PCDH11X: variants seen among roughly 807,000 people sequenced by gnomAD.
PCDH11X encodes the protein protocadherin-11 X-linked.
A neutral mutation model predicts 53.3 loss-of-function variants in PCDH11X; 18 were observed. The ratio of observed to expected loss-of-function variants is 0.34; its 90% CI spans 0.23 to 0.50. The LOEUF is 0.50. Among genes scored for constraint, PCDH11X ranks in the 20% least tolerant of loss-of-function variants. The pLI is 0.98. For missense variants in PCDH11X, 570 were observed against 1,032.4 expected (o/e 0.55, Z 6.14); for synonymous variants, 279 against 393.3 (o/e 0.71, Z 3.44).
intron 10 of PCDH11X, among the ~76,000 whole-genome samples, chrX:92,519,316 C>G (rs2750921): frequency 0.29 from 30,146 of 102,805 alleles, 4,808 homozygotes; most frequent in Non-Finnish European, 0.38. Context: ...TTCTATTATA[C>G]TAGCAAATAG....
intron 5 of PCDH11X, among the ~76,000 whole-genome samples, chrX:91,851,562 G>A (rs1478632925): frequency 1.8e-5 from 2 of 111,360 alleles, no homozygotes; most frequent in African/African-American, 6.5e-5. Flanking sequence ...AATCACATCA[G>A]GGTAAATGGG....
rs2147869920 is a variant in PCDH11X, at chrX:91,949,851, A to C, written c.3033+70578A>C. Among the ~76,000 whole-genome samples the C allele has an allele frequency of 1.9e-5, 2 of 107,883 alleles. 1 individual carries two copies. Among genetic ancestry groups the C allele is most frequent in the African/African-American group, 6.7e-5 (2 of 29,775 alleles). 93.7% of individuals were successfully genotyped at this position (107,883 alleles called of 115,157 possible). On this transcript the variant is annotated intron_variant, in intron 6 of 10. Transcript: ENST00000682573. Reference sequence around the variant, plus strand: ...TAAAAAAGAACTATCACAGTTGCTTAAAAAGCTGGCTGGGATTTTCCTAAG... The same window carrying C: ...TAAAAAAGAACTATCACAGTTGCTTCAAAAGCTGGCTGGGATTTTCCTAAG...
intron 9 of PCDH11X, among the ~76,000 whole-genome samples, chrX:92,441,832 A>C (rs1022512847): frequency 9.1e-6 from 1 of 110,459 alleles, no homozygotes; most frequent in African/African-American, 3.3e-5. Context: ...AGAATGGTAG[A>C]TCCACTGACA....
intron 10 of PCDH11X, among the ~76,000 whole-genome samples, chrX:92,593,206 C>A (rs1925215085): frequency 9.0e-6 from 1 of 110,868 alleles, no homozygotes; most frequent in African/African-American, 3.3e-5. Flanking sequence ...GCTTCTATGA[C>A]TTTTAATAAT....
At chrX:91,967,216 T>C (rs937902251) in intron 6 of PCDH11X, among the ~76,000 whole-genome samples, 6 of 110,116 alleles carry the variant, frequency 5.4e-5, no homozygotes, top group Admixed American at 2.9e-4. Context: ...GTGTAGTTGT[T>C]GGGATGGTGT....
At chrX:92,088,049 T>A (rs1186976141) in intron 6 of PCDH11X, among the ~76,000 whole-genome samples, 1 of 106,529 alleles carries the variant, frequency 9.4e-6, no homozygotes, top group Admixed American at 1.0e-4. Context: ...AAGTCCCAAT[T>A]ATTTTGAGTG....
intron 6 of PCDH11X, among the ~76,000 whole-genome samples, chrX:91,957,389 G>T (rs1443117990): frequency 9.0e-6 from 1 of 111,000 alleles, no homozygotes; most frequent in Non-Finnish European, 1.9e-5. Flanking sequence ...TCATATCTGT[G>T]GGCTTACCTA....
chrX:92,512,769 A>G (rs933118205), intron 10 of PCDH11X, among the ~76,000 whole-genome samples: 1 of 111,857 alleles, frequency 8.9e-6, no homozygotes, highest in Admixed American at 9.5e-5. Flanking sequence ...AATACAAAGT[A>G]GAAGGCAACA....
intron 6 of PCDH11X, among the ~76,000 whole-genome samples, chrX:91,936,020 G>A (rs2147847848): frequency 1.9e-5 from 2 of 105,451 alleles, no homozygotes; most frequent in Middle Eastern, 4.8e-3. Flanking sequence ...ATGTATTGCT[G>A]TTAATGTTGG....
At chrX:92,522,448 T>A (rs2074384460) in intron 10 of PCDH11X, among the ~76,000 whole-genome samples, 2 of 111,135 alleles carry the variant, frequency 1.8e-5, no homozygotes, top group African/African-American at 6.5e-5. Context: ...CCAAGGCCAC[T>A]AATCACCATA....
intron 6 of PCDH11X, among the ~76,000 whole-genome samples, chrX:92,129,942 C>T (rs1448307025): frequency 1.8e-5 from 2 of 111,640 alleles, no homozygotes; most frequent in African/African-American, 3.3e-5. Context: ...TTGTACTTTT[C>T]GTGAGTAAAT....
chrX:92,278,822 T>C (rs1313442180), intron 8 of PCDH11X, among the ~76,000 whole-genome samples: 1 of 100,226 alleles, frequency 1.0e-5, no homozygotes, highest in Non-Finnish European at 2.0e-5. Flanking sequence ...TTTTTTTTTT[T>C]TTTTTTGAGA....
intron 7 of PCDH11X, among the ~76,000 whole-genome samples, chrX:92,206,439 TACTTTGATAATGCC>T (rs2066477237): frequency 8.9e-6 from 1 of 112,234 alleles, no homozygotes; most frequent in African/African-American, 3.2e-5. Flanking sequence ...AATCTTTAAA[TACTTTGATAATGCC>T]ACATTCAACA....
intron 8 of PCDH11X, among the ~76,000 whole-genome samples, chrX:92,305,536 A>G (rs1419975281): frequency 9.1e-6 from 1 of 110,243 alleles, no homozygotes; most frequent in Non-Finnish European, 1.9e-5. Flanking sequence ...TTAGGACCCC[A>G]CCTTTATGAT....
At position 92,096,502 on chromosome X, in the gene PCDH11X, C is replaced by T. The variant is rs753888205; in HGVS notation, c.3034-104873C>T. ...TGTACCTGCTATATATGAATATATA[C>T]ACATATCATATTGTATTTGTCCATT... On this transcript the variant is annotated intron_variant, in intron 6 of 10. Coordinates refer to ENST00000682573, the MANE Select transcript of PCDH11X (RefSeq NM_032968.5). 3.3e-3 allele frequency among the ~76,000 whole-genome samples: 357 copies of T among 107,294 alleles called. 1 individual carries two copies. Among genetic ancestry groups the T allele is most frequent in the South Asian group, 5.4e-3 (13 of 2,423 alleles). 93.2% of individuals were successfully genotyped at this position (107,294 alleles called of 115,157 possible). A position where few individuals can be genotyped will look rare whatever the true frequency, so the allele number is the denominator to read the frequency against.
At chrX:92,602,382 A>G (rs1410075497) in intron 10 of PCDH11X, among the ~76,000 whole-genome samples, 1 of 112,684 alleles carries the variant, frequency 8.9e-6, no homozygotes, top group Non-Finnish European at 1.9e-5. Context: ...AGTGCAGAGA[A>G]AAAGCCCGCT....
chrX:92,326,637 TATAGAG>T (rs1421397604), intron 8 of PCDH11X, among the ~76,000 whole-genome samples: 1,162 of 50,050 alleles, frequency 0.023, 185 homozygotes, highest in Admixed American at 0.033. Context: ...TATATATATA[TATAGAG>T]AGAGAGAGAG....
At chrX:91,919,174 T>C (rs1388427612) in intron 6 of PCDH11X, among the ~76,000 whole-genome samples, 2 of 111,451 alleles carry the variant, frequency 1.8e-5, no homozygotes, top group Non-Finnish European at 3.8e-5. Context: ...GAGCTGTTTG[T>C]TTCTATAAGA....
At chrX:92,546,042 C>T (rs2750995) in intron 10 of PCDH11X, among the ~76,000 whole-genome samples, 8,495 of 93,561 alleles carry the variant, frequency 0.091, 947 homozygotes, top group Non-Finnish European at 0.16. Flanking sequence ...TTCGAATATT[C>T]GATTTAATGT....
Sources: gnomAD v4.1 joint callset for allele counts (sites outside exome capture counted in the v4.1 genomes callset) on GRCh38, gnomAD v4.1.1 for gene constraint, MANE v1.5 for transcripts, NCBI Gene and HGNC (gene_info 2026-07-23, HGNC 2026-07-21) for gene names.